TENM3: variants seen among roughly 807,000 people sequenced by gnomAD.
TENM3 encodes the protein teneurin transmembrane protein 3.
Under a neutral mutation model 255.1 loss-of-function variants are expected in TENM3, and 63 were observed. The observed-to-expected ratio is 0.25, with a 90% CI of 0.20 to 0.30. The LOEUF is 0.30. TENM3 is among the 10% of genes least tolerant of loss of function. The probability of loss-of-function intolerance (pLI) is 1.00; values close to 1 mark genes in which losing one functional copy is unlikely to be tolerated. For synonymous variants in TENM3, 1,306 were observed against 1,322.3 expected, an observed-to-expected ratio of 0.99 and a Z score of 0.27; for missense variants, 2,929 against 3,461.1, an observed-to-expected ratio of 0.85 and a Z score of 3.86.
the TENM3 span, among the ~76,000 whole-genome samples, chr4:181,984,192 C>T: frequency 6.6e-6 from 1 of 152,046 alleles, no homozygotes; most frequent in African/African-American, 2.4e-5. Flanking sequence ...GCACCTCTTC[C>T]TTCTTGACAG....
the TENM3 span, among the ~76,000 whole-genome samples, chr4:181,697,367 C>T: frequency 6.6e-6 from 1 of 151,806 alleles, no homozygotes; most frequent in African/African-American, 2.4e-5. Flanking sequence ...TCTTCCATTT[C>T]CTGGTGGGTT....
the TENM3 span, among the ~76,000 whole-genome samples, chr4:181,737,896 G>A: frequency 3.3e-5 from 5 of 151,092 alleles, no homozygotes; most frequent in South Asian, 2.1e-4. Context: ...TCAGGCACAC[G>A]AGATTGGTGT....
intron 3 of TENM3, among the ~76,000 whole-genome samples, chr4:182,545,482 A>G (rs975776989): frequency 6.6e-6 from 1 of 151,836 alleles, no homozygotes; most frequent in African/African-American, 2.4e-5. Flanking sequence ...TTTAAATAAA[A>G]GCTGAATCTC....
At chr4:181,520,237 T>C in the TENM3 span, among the ~76,000 whole-genome samples, 2 of 152,194 alleles carry the variant, frequency 1.3e-5, no homozygotes, top group Non-Finnish European at 2.9e-5. Context: ...GACACACCAC[T>C]TCTGCACAGT....
chr4:181,994,093 CTG>C, the TENM3 span, among the ~76,000 whole-genome samples: 8 of 152,084 alleles, frequency 5.3e-5, no homozygotes, highest in Admixed American at 3.3e-4. Flanking sequence ...ATTTGTGAAA[CTG>C]TGAAAAACCA....
chr4:182,644,997 A>G (rs1003130206), intron 5 of TENM3, among the ~76,000 whole-genome samples: 19 of 152,048 alleles, frequency 1.2e-4, no homozygotes, highest in South Asian at 2.1e-4. Flanking sequence ...TAGATGACAA[A>G]TGTCAGATGT....
chr4:182,674,912 T>C (rs1755540613), intron 7 of TENM3, among the ~76,000 whole-genome samples: 2 of 150,290 alleles, frequency 1.3e-5, no homozygotes, highest in African/African-American at 4.9e-5. Context: ...GTTTTGCTCT[T>C]GTTGCCCAGG....
chr4:181,837,914 C>A, the TENM3 span, among the ~76,000 whole-genome samples: 6 of 152,070 alleles, frequency 3.9e-5, no homozygotes, highest in Admixed American at 1.3e-4. Context: ...CCGAGGCAGG[C>A]AGATCACGAG....
the TENM3 span, among the ~76,000 whole-genome samples, chr4:181,940,570 G>A: frequency 3.9e-5 from 6 of 152,248 alleles, no homozygotes; most frequent in South Asian, 8.3e-4. Flanking sequence ...ATTAAAGCAG[G>A]GTAAAGGGAA....
the TENM3 span, among the ~76,000 whole-genome samples, chr4:181,726,666 A>C: frequency 6.6e-6 from 1 of 152,166 alleles, no homozygotes; most frequent in East Asian, 1.9e-4. Flanking sequence ...CCAGCAAGCA[A>C]GCAATCAATT....
chr4:182,060,608 A>G, the TENM3 span, among the ~76,000 whole-genome samples: 9,366 of 152,212 alleles, frequency 0.062, 970 homozygotes, highest in African/African-American at 0.21. Flanking sequence ...CAGACATTGA[A>G]GACCCCCGGT....
At chr4:181,799,145 G>T in the TENM3 span, among the ~76,000 whole-genome samples, 2 of 152,224 alleles carry the variant, frequency 1.3e-5, no homozygotes, top group African/African-American at 4.8e-5. Flanking sequence ...CTGCATTACT[G>T]ATTTCTCAGT....
intron 3 of TENM3, among the ~76,000 whole-genome samples, chr4:182,541,085 A>T (rs1740836346): frequency 6.6e-6 from 1 of 152,260 alleles, no homozygotes; most frequent in South Asian, 2.1e-4. Flanking sequence ...CTAAGAGTTT[A>T]AAAAACTTGC....
intron 1 of TENM3, among the ~76,000 whole-genome samples, chr4:182,200,006 T>C (rs538801779): frequency 2.0e-5 from 3 of 152,304 alleles, no homozygotes; most frequent in East Asian, 3.9e-4. Flanking sequence ...GGATTAGGCA[T>C]GAGCCACTGT....
intron 3 of TENM3, among the ~76,000 whole-genome samples, chr4:182,531,318 A>C (rs1308555523): frequency 1.3e-5 from 2 of 152,236 alleles, no homozygotes; most frequent in East Asian, 3.8e-4. Context: ...GGGGACATAA[A>C]ATAGGCTGTG....
At chr4:182,043,446 T>G in the TENM3 span, among the ~76,000 whole-genome samples, 1 of 152,150 alleles carries the variant, frequency 6.6e-6, no homozygotes, top group Non-Finnish European at 1.5e-5. Context: ...ACCAAGACCC[T>G]AGAAATGTGC....
chr4:182,017,420 T>C, the TENM3 span, among the ~76,000 whole-genome samples: 1 of 152,238 alleles, frequency 6.6e-6, no homozygotes, highest in African/African-American at 2.4e-5. Flanking sequence ...TTTTACGTAG[T>C]CATTAAGATT....
chr4:181,732,908 A>C, the TENM3 span, among the ~76,000 whole-genome samples: 1 of 152,142 alleles, frequency 6.6e-6, no homozygotes. Flanking sequence ...TATTTCCAGG[A>C]GATAATTTTG....
chr4:181,652,994 A>G, the TENM3 span, among the ~76,000 whole-genome samples: 10 of 152,360 alleles, frequency 6.6e-5, no homozygotes, highest in Non-Finnish European at 1.2e-4. Flanking sequence ...CTTTCAATAC[A>G]TGAAATGATT....
Sources: gnomAD v4.1 joint callset for allele counts (sites outside exome capture counted in the v4.1 genomes callset) on GRCh38, gnomAD v4.1.1 for gene constraint, MANE v1.5 for transcripts, NCBI Gene and HGNC (gene_info 2026-07-23, HGNC 2026-07-21) for gene names.